Variants in LRMDA observed in about 807,000 individuals in gnomAD.
LRMDA encodes the protein leucine rich melanocyte differentiation associated, also known as leucine-rich melanocyte differentiation-associated protein.
Under a neutral mutation model 29.8 loss-of-function variants are expected in LRMDA, and 18 were observed. The observed-to-expected ratio is 0.60, with a 90% confidence interval of 0.42 to 0.90. The LOEUF is 0.90. Ranked by LOEUF, LRMDA falls within the 40% of genes least tolerant of loss-of-function variation. The probability of loss-of-function intolerance (pLI) is 0.00; values close to 1 mark genes in which losing one functional copy is unlikely to be tolerated. For missense variants in LRMDA, 273 were observed against 273.9 expected (o/e 1.00, Z 0.02); for synonymous variants, 125 against 109.4 (o/e 1.14, Z -0.89).
At chr10:75,925,638 A>AGTGGTGGTGGTAATGGTG (rs371005851) in intron 2 of LRMDA, among the ~76,000 whole-genome samples, 63 of 151,294 alleles carry the variant, frequency 4.2e-4, no homozygotes, top group African/African-American at 1.4e-3. Flanking sequence ...TAATGGTGGC[A>AGTGGTGGTGGTAATGGTG]GCAGCAGACA....
At chr10:75,692,214 AAAAAAATAT>A (rs1364265223) in intron 2 of LRMDA, among the ~76,000 whole-genome samples, 34 of 43,548 alleles carry the variant, frequency 7.8e-4, no homozygotes, top group African/African-American at 3.1e-3. Flanking sequence ...GGGGGAAAAA[AAAAAAATAT>A]ATATATATAT....
At chr10:75,452,966 C>T (rs899102040) in intron 2 of LRMDA, among the ~76,000 whole-genome samples, 4 of 152,044 alleles carry the variant, frequency 2.6e-5, no homozygotes, top group Non-Finnish European at 5.9e-5. Flanking sequence ...ATGGTCTTTC[C>T]GATGGAGTCT....
intron 5 of LRMDA, among the ~76,000 whole-genome samples, chr10:76,157,853 T>C (rs1305710613): frequency 6.6e-6 from 1 of 152,154 alleles, no homozygotes; most frequent in Non-Finnish European, 1.5e-5. Context: ...CTAGATGGTA[T>C]AGCATGCAAT....
At chr10:75,688,258 C>T (rs1842105917) in intron 2 of LRMDA, among the ~76,000 whole-genome samples, 2 of 152,174 alleles carry the variant, frequency 1.3e-5, no homozygotes, top group South Asian at 4.1e-4. Flanking sequence ...GGAAAGGATT[C>T]ACCATTATAG....
chr10:75,774,344 G>C (rs775792187), intron 2 of LRMDA, among the ~76,000 whole-genome samples: 1 of 152,032 alleles, frequency 6.6e-6, no homozygotes, highest in Non-Finnish European at 1.5e-5. Context: ...GGACTTGTTA[G>C]TATTTCTTCT....
At chr10:75,739,886 A>G (rs1002258052) in intron 2 of LRMDA, among the ~76,000 whole-genome samples, 9 of 152,238 alleles carry the variant, frequency 5.9e-5, no homozygotes, top group African/African-American at 1.9e-4. Context: ...ACACAATGCA[A>G]TATGCGAAAT....
intron 6 of LRMDA, among the ~76,000 whole-genome samples, chr10:76,397,288 G>A (rs906656456): frequency 1.9e-4 from 29 of 152,088 alleles, no homozygotes; most frequent in Non-Finnish European, 7.4e-5. Context: ...CAGGAGCCTT[G>A]GAACTGATGA....
chr10:75,886,669 T>G (rs960372291), intron 2 of LRMDA, among the ~76,000 whole-genome samples: 4 of 152,222 alleles, frequency 2.6e-5, no homozygotes, highest in Admixed American at 6.5e-5. Flanking sequence ...CATGGCTATT[T>G]AACTCACTCC....
At chr10:76,206,640 G>C (rs1448831801) in intron 5 of LRMDA, among the ~76,000 whole-genome samples, 2 of 152,188 alleles carry the variant, frequency 1.3e-5, no homozygotes, top group Non-Finnish European at 2.9e-5. Flanking sequence ...CTTCCAGGCA[G>C]CTGTGTGGGC....
chr10:76,121,383 A>G (rs1486297602), intron 5 of LRMDA, among the ~76,000 whole-genome samples: 1 of 152,176 alleles, frequency 6.6e-6, no homozygotes, highest in Admixed American at 6.5e-5. Flanking sequence ...CCATTATGAG[A>G]AGCTGAATCA....
At chr10:75,548,470 C>G (rs1159880593) in intron 2 of LRMDA, among the ~76,000 whole-genome samples, 1 of 152,078 alleles carries the variant, frequency 6.6e-6, no homozygotes, top group Non-Finnish European at 1.5e-5. Flanking sequence ...AGTGTAGGAC[C>G]CAGCCTAGGC....
intron 6 of LRMDA, among the ~76,000 whole-genome samples, chr10:76,471,492 A>C (rs1311600785): frequency 2.6e-5 from 4 of 151,692 alleles, no homozygotes; most frequent in African/African-American, 9.7e-5. Context: ...AAGCAAAAGG[A>C]AGCAGTAAAG....
At chr10:76,477,003 C>T (rs1842680955) in intron 6 of LRMDA, among the ~76,000 whole-genome samples, 2 of 152,120 alleles carry the variant, frequency 1.3e-5, no homozygotes, top group South Asian at 2.1e-4. Flanking sequence ...GACAGGGATG[C>T]CCTCTCTCAC....
intron 2 of LRMDA, among the ~76,000 whole-genome samples, chr10:75,473,372 A>C (rs1301196904): frequency 1.3e-5 from 2 of 152,272 alleles, no homozygotes; most frequent in East Asian, 3.9e-4. Flanking sequence ...GAATATAGAG[A>C]TGGGTACTCT....
chr10:75,652,238 A>G (rs569088653), intron 2 of LRMDA, among the ~76,000 whole-genome samples: 1 of 152,298 alleles, frequency 6.6e-6, no homozygotes, highest in Admixed American at 6.5e-5. Context: ...GTAAAATCCA[A>G]ACCTCCTGAC....
chr10:75,894,185 C>G (rs1273717094), intron 2 of LRMDA, among the ~76,000 whole-genome samples: 2 of 151,966 alleles, frequency 1.3e-5, no homozygotes, highest in Non-Finnish European at 2.9e-5. Context: ...CCCCCTCCCA[C>G]TCTTCCCCCC....
intron 2 of LRMDA, among the ~76,000 whole-genome samples, chr10:75,516,833 G>T (rs543116926): frequency 6.6e-6 from 1 of 152,186 alleles, no homozygotes; most frequent in South Asian, 2.1e-4. Flanking sequence ...ATGGTTTTAG[G>T]TCTAACATTT....
Position 76,373,380 on chromosome 10 carries a change from T to C in LRMDA, c.601+48895T>C, listed in dbSNP as rs199960019. ...CTTGCTTATTGCAAACAGCAAAAAA[T>C]AAAAGATAAGATTATAATAATATTT... On this transcript the variant is annotated intron_variant, in intron 6 of 6. Coordinates refer to ENST00000611255, the MANE Select transcript of LRMDA (RefSeq NM_001305581.2). Among the ~76,000 whole-genome samples the C allele has an allele frequency of 7.2e-5, 11 of 152,072 alleles. No homozygotes were observed. The East Asian group carries it at 1.9e-3, about 27-fold the overall frequency.
chr10:76,335,595 A>G (rs1034386641), intron 6 of LRMDA, among the ~76,000 whole-genome samples: 2 of 152,224 alleles, frequency 1.3e-5, no homozygotes, highest in African/African-American at 4.8e-5. Context: ...TTTTAGGAAG[A>G]CATGAGACAT....
Sources: allele counts gnomAD v4.1 joint callset (sites outside exome capture counted in the v4.1 genomes callset), GRCh38; gene constraint gnomAD v4.1.1; transcripts MANE v1.5; gene names NCBI Gene and HGNC (gene_info 2026-07-23, HGNC 2026-07-21).